PACSIN2: variants seen among roughly 807,000 people sequenced by gnomAD.
The protein encoded by PACSIN2 is protein kinase C and casein kinase substrate in neurons protein 2.
A neutral mutation model predicts 63.8 loss-of-function variants in PACSIN2; 25 were observed. The ratio of observed to expected loss-of-function variants is 0.39; its 90% CI spans 0.29 to 0.55. PACSIN2 has a LOEUF of 0.55. Ranked by LOEUF, PACSIN2 falls within the 20% of genes least tolerant of loss-of-function variation. The pLI, the probability that PACSIN2 is intolerant of heterozygous loss-of-function variation, is 0.62. For synonymous variants in PACSIN2, 255 were observed against 256.2 expected, an observed-to-expected ratio of 1.00 and a Z score of 0.05; for missense variants, 518 against 646.9, an observed-to-expected ratio of 0.80 and a Z score of 2.16.
At chr22:42,957,709 C>G (rs1179423326) in intron 1 of PACSIN2, among the ~76,000 whole-genome samples, 1 of 152,120 alleles carries the variant, frequency 6.6e-6, no homozygotes, top group Non-Finnish European at 1.5e-5. Flanking sequence ...TCAGTATTCC[C>G]TTATAGGGGC....
At chr22:42,921,194 C>T (rs1341148399) in intron 1 of PACSIN2, among the ~76,000 whole-genome samples, 1 of 151,756 alleles carries the variant, frequency 6.6e-6, no homozygotes, top group East Asian at 1.9e-4. Context: ...CCTGTCTCTA[C>T]TAAAAATACA....
chr22:42,871,333 C>T lies in PACSIN2; in HGVS notation c.*24G>A, dbSNP rs747782188. On this transcript the variant is annotated 3_prime_UTR_variant, in exon 11 of 11. Coordinates refer to ENST00000263246, the MANE Select transcript of PACSIN2 (RefSeq NM_001184970.3). This position sits in a 1 kb window ranked among gnomAD's most constrained non-coding sequence, Gnocchi z 5.4. ...GCTCCTGGGCCCGCCGCCTCCGTCCCCCCGCTGGCCTGTCCCCGACTCATC... is the reference window on the plus strand; with the variant it reads ...GCTCCTGGGCCCGCCGCCTCCGTCCTCCCGCTGGCCTGTCCCCGACTCATC... The T allele has an allele frequency of 6.6e-7, 1 of 1,523,048 alleles. No homozygotes were observed. The highest frequency in any genetic ancestry group is 1.1e-5 in the South Asian group (1 of 89,286). 94.3% of individuals were successfully genotyped at this position (1,523,048 alleles called of 1,614,324 possible).
intron 1 of PACSIN2, among the ~76,000 whole-genome samples, chr22:42,956,157 C>T (rs951248935): frequency 6.6e-6 from 1 of 152,218 alleles, no homozygotes; most frequent in African/African-American, 2.4e-5. Context: ...TAGCACCCTT[C>T]ACATTAACAA....
chr22:42,890,948 T>C lies in PACSIN2; in HGVS notation c.452A>G (p.Glu151Gly). 1 of 1,613,460 alleles carries C rather than the reference T, an allele frequency of 6.2e-7. No homozygotes were observed. ...AQKPWAKKLK[E>G]VEAAKKAHHA... ...GGGAAGCCTGCAGGACAGATGTACC[T>C]CTTTCAGCTTCTTGGCCCAGGGCTT... is the stretch of plus-strand genomic sequence containing the variant. Residue 151 changes from glutamate to glycine, a missense_variant and splice_region_variant, in exon 4 of 11, where the codon GAG becomes GGG. Coordinates refer to ENST00000263246, the MANE Select transcript of PACSIN2 (RefSeq NM_001184970.3).
At chr22:42,951,113 C>T (rs9306366) in intron 1 of PACSIN2, among the ~76,000 whole-genome samples, 9,140 of 152,156 alleles carry the variant, frequency 0.06, 904 homozygotes, top group African/African-American at 0.21. Context: ...CATAAGAATA[C>T]ACTGATTGAG....
At position 43,012,712 on chromosome 22, in the gene PACSIN2, G is replaced by A. The variant is rs904029711; in HGVS notation, c.-78+2309C>T. On this transcript the variant is annotated intron_variant, in intron 1 of 10. Transcript: ENST00000263246. ...TTGTTGCCTAGGCTGGAGTGCAACG[G>A]CCGGATCTTGGCTCACCGCAACCTC... 3.2e-4 allele frequency among the ~76,000 whole-genome samples: 49 copies of A among 151,902 alleles called. 1 individual carries two copies. Among genetic ancestry groups the A allele is most frequent in the Non-Finnish European group, 8.8e-5 (6 of 67,984 alleles).
chr22:42,973,960 C>T (rs1035675203), intron 1 of PACSIN2, among the ~76,000 whole-genome samples: 1 of 152,246 alleles, frequency 6.6e-6, no homozygotes, highest in East Asian at 1.9e-4. Context: ...AACTTGTAGC[C>T]TGATACAAAT....
Position 42,907,611 on chromosome 22 carries a change from G to A in PACSIN2, c.60+4410C>T, listed in dbSNP as rs1171489320. Among the ~76,000 whole-genome samples the A allele has an allele frequency of 7.2e-5, 11 of 152,268 alleles. 1 individual carries two copies. Among genetic ancestry groups the A allele is most frequent in the East Asian group, 1.9e-4 (1 of 5,198 alleles). ...GAAAAGTCCGTTGGGGTCGGCGTGC[G>A]TGGAGGCGGCTGGGCAGCAGACAGA... On this transcript the variant is annotated intron_variant, in intron 2 of 10. Transcript: ENST00000263246.
At chr22:43,014,082 G>C (rs1924680430) in intron 1 of PACSIN2, among the ~76,000 whole-genome samples, 1 of 152,154 alleles carries the variant, frequency 6.6e-6, no homozygotes. Flanking sequence ...CTCTGATGGA[G>C]CCGAAACCCA....
In PACSIN2 at chr22:42,872,112, G is replaced by A. The variant is rs531008381; in HGVS notation, c.1349-643C>T. On this transcript the variant is annotated intron_variant, in intron 10 of 10. Coordinates refer to ENST00000263246, the MANE Select transcript of PACSIN2 (RefSeq NM_001184970.3). Reference sequence around the variant, plus strand: ...TATTAACGTGGTTCCATTTATCTTTGGTTGTTCCAACCTGAAGGACCTCCT... The same window carrying A: ...TATTAACGTGGTTCCATTTATCTTTAGTTGTTCCAACCTGAAGGACCTCCT... Among the ~76,000 whole-genome samples, 84 of 152,334 alleles carry A rather than the reference G, an allele frequency of 5.5e-4. 1 individual carries two copies. The highest frequency in any genetic ancestry group is 1.5e-3 in the African/African-American group (64 of 41,578).
intron 1 of PACSIN2, among the ~76,000 whole-genome samples, chr22:42,988,501 G>T (rs543895842): frequency 2.2e-4 from 34 of 152,300 alleles, no homozygotes; most frequent in African/African-American, 8.2e-4. Flanking sequence ...TGAAAATCTG[G>T]TTCAAATTCA....
In PACSIN2 at chr22:43,013,811, G is replaced by A. The variant is rs140005966; in HGVS notation, c.-78+1210C>T. On this transcript the variant is annotated intron_variant, in intron 1 of 10. Coordinates refer to ENST00000263246, the MANE Select transcript of PACSIN2 (RefSeq NM_001184970.3). ...AGCCAGGCAGTATTTGGTAAACAGT[G>A]TACCAAGTAGCCCTGGAGACTCTGA... Among the ~76,000 whole-genome samples, 45 of 152,314 alleles carry A rather than the reference G, an allele frequency of 3.0e-4. No individual in the cohort carries two copies. In the East Asian group the frequency reaches 8.3e-3, roughly 28 times the overall value.
chr22:43,012,184 TACATACATACATACATACAA>T (rs1284388025), intron 1 of PACSIN2, among the ~76,000 whole-genome samples: 6 of 137,030 alleles, frequency 4.4e-5, no homozygotes, highest in Non-Finnish European at 7.8e-5. Context: ...CATACATACA[TACATACATACATACATACAA>T]ACATACAAAA....
chr22:42,940,483 T>C (rs1933105715), intron 1 of PACSIN2, among the ~76,000 whole-genome samples: 2 of 152,158 alleles, frequency 1.3e-5, no homozygotes, highest in African/African-American at 4.8e-5. Flanking sequence ...TCCTTTTACA[T>C]TCATGGAAAG....
chr22:42,929,702 C>T lies in PACSIN2; in HGVS notation c.-77-17545G>A, dbSNP rs552670956. Among the ~76,000 whole-genome samples the T allele has an allele frequency of 5.4e-4, 83 of 152,340 alleles. 1 individual carries two copies. Among genetic ancestry groups the T allele is most frequent in the Admixed American group, 1.2e-3 (19 of 15,292 alleles). On this transcript the variant is annotated intron_variant, in intron 1 of 10. Coordinates refer to ENST00000263246, the MANE Select transcript of PACSIN2 (RefSeq NM_001184970.3). ...TCCAGAATGATGGTCTACTTCAACT[C>T]GGACAAGGCAGGAGAGTGACCCGCC...
intron 1 of PACSIN2, among the ~76,000 whole-genome samples, chr22:42,995,319 A>G (rs961176331): frequency 6.6e-6 from 1 of 152,222 alleles, no homozygotes; most frequent in African/African-American, 2.4e-5. Flanking sequence ...TTCAATGCAA[A>G]TATTTAAAGA....
intron 1 of PACSIN2, among the ~76,000 whole-genome samples, chr22:43,009,024 T>C (rs1924280003): frequency 6.6e-6 from 1 of 152,188 alleles, no homozygotes; most frequent in Admixed American, 6.5e-5. Flanking sequence ...AGGTGTTTAG[T>C]GATCCAAATT....
chr22:42,971,624 A>C lies in PACSIN2; in HGVS notation c.-78+43397T>G, dbSNP rs1921279115. On this transcript the variant is annotated intron_variant, in intron 1 of 10. Transcript: ENST00000263246. ...GGAGTGTCTCTGCCCAACCGCCACC[A>C]TGTCTGGGAAGTGAGGAGCGTCTCT... is the stretch of plus-strand genomic sequence containing the variant. 3.5e-5 allele frequency among the ~76,000 whole-genome samples: 5 copies of C among 143,366 alleles called. 1 individual carries two copies. In the East Asian group the frequency reaches 6.3e-4, roughly 18 times the overall value. The allele number at this position is 143,366 out of a possible 152,430, so 94.1% of individuals were successfully genotyped here. A position where few individuals can be genotyped will look rare whatever the true frequency, so the allele number is the denominator to read the frequency against.
chr22:42,871,483 A>C lies in PACSIN2; in HGVS notation c.1349-14T>G, dbSNP rs775284434. The C allele has an allele frequency of 3.1e-6, 5 of 1,592,648 alleles. No homozygotes were observed. The South Asian group carries it at 5.5e-5, about 18-fold the overall frequency. Reference sequence around the variant, plus strand: ...TCAGCTCATCCCCTGCAAGACAAAGAGGGAGCCGTCTCCATGAGAGGTATG... The same window carrying C: ...TCAGCTCATCCCCTGCAAGACAAAGCGGGAGCCGTCTCCATGAGAGGTATG... On this transcript the variant is annotated splice_polypyrimidine_tract_variant and intron_variant, in intron 10 of 10. Coordinates refer to ENST00000263246, the MANE Select transcript of PACSIN2 (RefSeq NM_001184970.3). This position sits in a 1 kb window ranked among gnomAD's most constrained non-coding sequence, Gnocchi z 5.4.
Sources: gnomAD v4.1 joint callset for allele counts (sites outside exome capture counted in the v4.1 genomes callset) on GRCh38, gnomAD v4.1.1 for gene constraint, Gnocchi (gnomAD v3.1) non-coding constraint, MANE v1.5 for transcripts, NCBI Gene and HGNC (gene_info 2026-07-23, HGNC 2026-07-21) for gene names.